The following GREB1L variants were observed in gnomAD, a reference collection of about 807,000 sequenced individuals.
GREB1L encodes GREB1 like retinoic acid receptor coactivator.
GREB1L carries 17 observed loss-of-function variants against 200.8 expected under a neutral mutation model. The ratio of observed to expected loss-of-function variants is 0.08; its 90% CI spans 0.06 to 0.13. The LOEUF is 0.13. Ranked by LOEUF, GREB1L falls within the 10% of genes least tolerant of loss-of-function variation. GREB1L has a pLI of 1.00. For missense variants in GREB1L, 1,657 were observed against 2,367.7 expected (o/e 0.70, Z 6.23); for synonymous variants, 789 against 893.0 (o/e 0.88, Z 2.08).
intron 1 of GREB1L, among the ~76,000 whole-genome samples, chr18:21,270,182 TTGTGA>T (rs1048844203): frequency 1.3e-5 from 2 of 152,342 alleles, no homozygotes; most frequent in Admixed American, 1.3e-4. Flanking sequence ...ACATGCTATC[TTGTGA>T]TGTATCTGAG....
chr18:21,257,658 A>G (rs1047380742), intron 1 of GREB1L, among the ~76,000 whole-genome samples: 5 of 152,212 alleles, frequency 3.3e-5, no homozygotes, highest in African/African-American at 7.2e-5. Context: ...AACACATGGC[A>G]TAGTTGCATA....
At chr18:21,384,774 T>C (rs1386840412) in intron 4 of GREB1L, among the ~76,000 whole-genome samples, 1 of 150,964 alleles carries the variant, frequency 6.6e-6, no homozygotes. Flanking sequence ...TCTTCGTACT[T>C]CTTTCTATTC....
chr18:21,371,964 T>C (rs1598708482), intron 2 of GREB1L, among the ~76,000 whole-genome samples: 1 of 152,244 alleles, frequency 6.6e-6, no homozygotes, highest in Middle Eastern at 3.4e-3. Context: ...ATTTGCCCAA[T>C]ATCATACTAG....
At chr18:21,294,315 A>G (rs1321753046) in intron 1 of GREB1L, among the ~76,000 whole-genome samples, 1 of 152,156 alleles carries the variant, frequency 6.6e-6, no homozygotes, top group Non-Finnish European at 1.5e-5. Flanking sequence ...GGTAATCACA[A>G]TTCAGGGTGT....
rs146685765 is a variant in GREB1L at position 21,395,652 on chromosome 18, A to G, written c.532+91A>G. 3.8e-4 allele frequency: 346 copies of G among 901,496 alleles called. 2 individuals are homozygous for G. The African/African-American group carries it at 5.2e-3, about 14-fold the overall frequency. 55.8% of individuals were successfully genotyped at this position (901,496 alleles called of 1,614,324 possible). A position where few individuals can be genotyped will look rare whatever the true frequency, so the allele number is the denominator to read the frequency against. On this transcript the variant is annotated intron_variant, in intron 5 of 32. Transcript: ENST00000424526. Reference sequence around the variant, plus strand: ...ACTACTGCAGAATTTTAAAAAATATACCAGAGGATTATTTGGGGATTATAT... The same window carrying G: ...ACTACTGCAGAATTTTAAAAAATATGCCAGAGGATTATTTGGGGATTATAT...
At chr18:21,346,414 T>C (rs552355948) in intron 1 of GREB1L, among the ~76,000 whole-genome samples, 3 of 151,952 alleles carry the variant, frequency 2.0e-5, no homozygotes, top group African/African-American at 7.2e-5. Flanking sequence ...TTAACACTCA[T>C]TCACGGCTAT....
intron 1 of GREB1L, among the ~76,000 whole-genome samples, chr18:21,298,061 A>G (rs1180520567): frequency 2.0e-5 from 3 of 152,162 alleles, no homozygotes; most frequent in Non-Finnish European, 4.4e-5. Context: ...AATCAGGACT[A>G]TATACTCCAG....
chr18:21,403,443 G>A (rs927428528), intron 6 of GREB1L, among the ~76,000 whole-genome samples: 1 of 152,146 alleles, frequency 6.6e-6, no homozygotes, highest in African/African-American at 2.4e-5. Flanking sequence ...GTTGAGAAGA[G>A]AATAGGTTAT....
chr18:21,495,537 C>T (rs920256280), intron 19 of GREB1L, 133 bp from the exon 20 acceptor site: 1 of 643,698 alleles, frequency 1.6e-6, no homozygotes, highest in East Asian at 2.8e-5. Context: ...AATATACATA[C>T]ATAAACATAT....
intron 29 of GREB1L, among the ~76,000 whole-genome samples, chr18:21,516,098 C>T (rs2037407432): frequency 6.6e-6 from 1 of 152,092 alleles, no homozygotes; most frequent in Non-Finnish European, 1.5e-5. Context: ...AGGGAAAAGG[C>T]AGCAGATGGG....
At chr18:21,391,091 G>A (rs907673175) in intron 4 of GREB1L, among the ~76,000 whole-genome samples, 5 of 152,174 alleles carry the variant, frequency 3.3e-5, no homozygotes, top group African/African-American at 9.7e-5. Flanking sequence ...TAAGGGTACA[G>A]CATTTACAAA....
chr18:21,282,522 G>A (rs1297379302), intron 1 of GREB1L, among the ~76,000 whole-genome samples: 13 of 152,060 alleles, frequency 8.5e-5, no homozygotes, highest in Admixed American at 7.2e-4. Flanking sequence ...AAAACAGCAC[G>A]CTAACCATTT....
chr18:21,251,083 A>G (rs1354305080), intron 1 of GREB1L, among the ~76,000 whole-genome samples: 1 of 152,216 alleles, frequency 6.6e-6, no homozygotes, highest in Non-Finnish European at 1.5e-5. Context: ...TGGGAGGCCA[A>G]AGTGGGAGGA....
intron 15 of GREB1L, among the ~76,000 whole-genome samples, chr18:21,470,040 T>G (rs1434608013): frequency 6.6e-6 from 1 of 152,062 alleles, no homozygotes; most frequent in Non-Finnish European, 1.5e-5. Context: ...ATCCCAGTGC[T>G]TTGAGAGGCC....
chr18:21,499,931 C>T lies in GREB1L; in HGVS notation c.3594C>T (p.Thr1198=). 2 of 1,550,302 alleles carry T rather than the reference C, an allele frequency of 1.3e-6. No individual in the cohort carries two copies. The highest frequency in any genetic ancestry group is 3.9e-5 in the Admixed American group (2 of 50,896). The change falls in exon 22 of 33, where the codon ACC becomes ACT. Residue 1198 remains threonine (T), a synonymous_variant. Transcript: ENST00000424526. ...GCCCCCAGATGGCGAGCAGCACCAC[C>T]TCCAAGCCGTCATCATCATCCTCAG... is the stretch of plus-strand genomic sequence containing the variant. ...SLGPQMASST[T]SKPSSSSSGP...
chr18:21,283,607 G>A (rs1159371077), intron 1 of GREB1L, among the ~76,000 whole-genome samples: 1 of 152,210 alleles, frequency 6.6e-6, no homozygotes, highest in Non-Finnish European at 1.5e-5. Context: ...ACTTGGCCAA[G>A]TGGGGAAGTG....
At chr18:21,348,699 C>T (rs1448433069) in intron 1 of GREB1L, among the ~76,000 whole-genome samples, 4 of 151,980 alleles carry the variant, frequency 2.6e-5, no homozygotes, top group Admixed American at 6.6e-5. Context: ...CGCTTGAACC[C>T]GGGAGGCAGA....
intron 7 of GREB1L, among the ~76,000 whole-genome samples, chr18:21,430,994 TTTTATTTA>T (rs59970232): frequency 0.13 from 17,929 of 140,932 alleles, 1,202 homozygotes; most frequent in Middle Eastern, 0.21. Flanking sequence ...TTTTCATTTA[TTTTATTTA>T]TTTATTTATT....
In GREB1L at chr18:21,401,318, G is replaced by T. The variant is rs1438762479; in HGVS notation, c.701G>T (p.Cys234Phe). The change falls in exon 6 of 33, where the codon TGC becomes TTC. Residue 234 changes from cysteine to phenylalanine, a missense_variant. Around this residue, in one of 9 missense-constraint regions of GREB1L, gnomAD observed 70 missense variants for 151.3 expected, o/e 0.46. Coordinates refer to ENST00000424526, the MANE Select transcript of GREB1L (RefSeq NM_001142966.3). Reference sequence around the variant, plus strand: ...GTACTGTCTAAAGGACCTCTTATCTGCTGGAAAGGTAGTCAATTTCCAGGA... The same window carrying T: ...GTACTGTCTAAAGGACCTCTTATCTTCTGGAAAGGTAGTCAATTTCCAGGA... Reference protein sequence around the residue: ...QGVLSKGPLICWKECRSRQSS... With the variant: ...QGVLSKGPLIFWKECRSRQSS... 1.1e-5 allele frequency: 17 copies of T among 1,547,688 alleles called. No homozygotes were observed. The highest frequency in any genetic ancestry group is 1.4e-5 in the Non-Finnish European group (16 of 1,145,318).
Sources: allele counts gnomAD v4.1 joint callset (sites outside exome capture counted in the v4.1 genomes callset), GRCh38; gene constraint gnomAD v4.1.1; regional missense constraint gnomAD v4.1.1; transcripts MANE v1.5; gene names NCBI Gene and HGNC (gene_info 2026-07-23, HGNC 2026-07-21).